Variants in KCNN3 observed in about 807,000 individuals in gnomAD.
KCNN3 encodes small conductance calcium-activated potassium channel protein 3.
In KCNN3, 16 loss-of-function variants were observed where a neutral mutation model predicts 62.9. That is an observed-to-expected ratio of 0.25 (90% CI 0.17 to 0.39). The LOEUF (loss-of-function observed/expected upper bound fraction) is 0.39, where lower values mean the gene tolerates loss of function less well. KCNN3 is among the 10% of genes least tolerant of loss of function. The probability of loss-of-function intolerance (pLI) is 1.00; values close to 1 mark genes in which losing one functional copy is unlikely to be tolerated. For missense variants in KCNN3, 599 were observed against 949.4 expected (o/e 0.63, Z 4.85); for synonymous variants, 370 against 389.2 (o/e 0.95, Z 0.58).
At chr1:154,738,766 A>G (rs775289733) in intron 3 of KCNN3, among the ~76,000 whole-genome samples, 2 of 152,284 alleles carry the variant, frequency 1.3e-5, no homozygotes, top group Non-Finnish European at 2.9e-5. Context: ...TGACGAATAC[A>G]TAGAAAACTA....
At position 154,839,938 on chromosome 1, in the gene KCNN3, C is replaced by A. The variant is rs190470828; in HGVS notation, c.934-17754G>T. Among the ~76,000 whole-genome samples the A allele has an allele frequency of 3.9e-5, 6 of 152,296 alleles. No individual in the cohort carries two copies. The East Asian group carries it at 1.2e-3, about 29-fold the overall frequency. ...GGGGCAGGGTGGGCAGAGAGGCCTG[C>A]AGAGCAGGGGCTAGGTCACAGAGCT... On this transcript the variant is annotated intron_variant, in intron 1 of 7. Coordinates refer to ENST00000271915, the MANE Select transcript of KCNN3 (RefSeq NM_002249.6).
intron 3 of KCNN3, among the ~76,000 whole-genome samples, chr1:154,742,551 TA>T (rs900299969): frequency 2.0e-5 from 3 of 152,008 alleles, no homozygotes; most frequent in South Asian, 2.1e-4. Context: ...ATAGGTGCAC[TA>T]AAAAAAAGTG....
intron 3 of KCNN3, among the ~76,000 whole-genome samples, chr1:154,770,671 G>T (rs1648513540): frequency 6.6e-6 from 1 of 152,308 alleles, no homozygotes; most frequent in African/African-American, 2.4e-5. Context: ...GCCCAGAGAG[G>T]TTAAGTAACT....
chr1:154,736,354 T>A (rs2101796813), intron 3 of KCNN3, among the ~76,000 whole-genome samples: 1 of 152,246 alleles, frequency 6.6e-6, no homozygotes, highest in Middle Eastern at 3.4e-3. Flanking sequence ...ACACGTGCAG[T>A]GGAGTGGTGA....
At chr1:154,796,745 C>T (rs1479407821) in intron 2 of KCNN3, among the ~76,000 whole-genome samples, 9 of 152,214 alleles carry the variant, frequency 5.9e-5, no homozygotes, top group South Asian at 4.1e-4. Context: ...GCACAGCGAA[C>T]GCTGGCCAAG....
chr1:154,707,875 C>T lies in KCNN3; in HGVS notation c.*101G>A, dbSNP rs1699994526. On this transcript the variant is annotated 3_prime_UTR_variant, in exon 8 of 8. Coordinates refer to ENST00000271915, the MANE Select transcript of KCNN3 (RefSeq NM_002249.6). Reference sequence around the variant, plus strand: ...TAATTAGCTCGGTCTCTCTTCTTTCCGTTCCCTGGTCTGAATGTTTCTTGA... The same window carrying T: ...TAATTAGCTCGGTCTCTCTTCTTTCTGTTCCCTGGTCTGAATGTTTCTTGA... 7 of 1,331,668 alleles carry T rather than the reference C, an allele frequency of 5.3e-6. No homozygotes were observed. The highest frequency in any genetic ancestry group is 1.5e-5 in the African/African-American group (1 of 68,028). 82.5% of individuals were successfully genotyped at this position (1,331,668 alleles called of 1,614,324 possible).
In KCNN3 at chr1:154,706,094, T is replaced by C. The variant is rs1699960961; in HGVS notation, c.*1882A>G. 1 of 152,204 alleles carries C rather than the reference T, an allele frequency of 6.6e-6. No individual in the cohort carries two copies. The highest frequency in any genetic ancestry group is 2.4e-5 in the African/African-American group (1 of 41,438). The allele number at this position is 152,204 out of a possible 1,614,324, so 9.4% of individuals were successfully genotyped here. A position where few individuals can be genotyped will look rare whatever the true frequency, so the allele number is the denominator to read the frequency against. ...AACTAATGAAAGTGTTCAAAGGAATTATCAAGGCAGGCCATTAAGACTATA... is the reference window on the plus strand; with the variant it reads ...AACTAATGAAAGTGTTCAAAGGAATCATCAAGGCAGGCCATTAAGACTATA... On this transcript the variant is annotated 3_prime_UTR_variant, in exon 8 of 8. Transcript: ENST00000271915.
At chr1:154,737,857 G>A (rs1396716080) in intron 3 of KCNN3, among the ~76,000 whole-genome samples, 1 of 152,194 alleles carries the variant, frequency 6.6e-6, no homozygotes, top group East Asian at 1.9e-4. Flanking sequence ...AGGAGGTTGA[G>A]GCTGCAGTGA....
chr1:154,811,795 C>G (rs550786528), intron 2 of KCNN3, among the ~76,000 whole-genome samples: 1 of 152,298 alleles, frequency 6.6e-6, no homozygotes, highest in East Asian at 1.9e-4. Context: ...CTTGATAGCA[C>G]AATGCAACAA....
chr1:154,754,356 A>G (rs1440455915), intron 3 of KCNN3, among the ~76,000 whole-genome samples: 1 of 152,060 alleles, frequency 6.6e-6, no homozygotes, highest in African/African-American at 2.4e-5. Context: ...GAGGGCTGGA[A>G]ATGGGGCTGG....
Position 154,697,753 on chromosome 1 carries a change from CAAATCCAATGG to C in KCNN3, c.*10212_*10222del, listed in dbSNP as rs1699769378. 1 of 152,212 alleles carries C rather than the reference CAAATCCAATGG, an allele frequency of 6.6e-6. No individual in the cohort carries two copies. Among genetic ancestry groups the C allele is most frequent in the African/African-American group, 2.4e-5 (1 of 41,448 alleles). The allele number at this position is 152,212 out of a possible 1,614,324, so 9.4% of individuals were successfully genotyped here. On this transcript the variant is annotated 3_prime_UTR_variant, in exon 8 of 8. Coordinates refer to ENST00000271915, the MANE Select transcript of KCNN3 (RefSeq NM_002249.6). ...TGGTCAATACACATCCTGGATCTTA[CAAATCCAATGG>C]TGGCCAGCAGTAGAACTGAAGCCTG... is the stretch of plus-strand genomic sequence containing the variant.
At chr1:154,819,147 C>G (rs1412302986) in intron 2 of KCNN3, among the ~76,000 whole-genome samples, 1 of 152,196 alleles carries the variant, frequency 6.6e-6, no homozygotes, top group Non-Finnish European at 1.5e-5. Flanking sequence ...TAAGCACTCC[C>G]CTCTGCATAA....
intron 2 of KCNN3, among the ~76,000 whole-genome samples, chr1:154,778,683 C>T (rs1033271162): frequency 8.8e-5 from 13 of 148,004 alleles, no homozygotes; most frequent in Non-Finnish European, 1.9e-4. Context: ...GCAATGGCAC[C>T]ATCTGCCTCC....
chr1:154,842,637 CCCG>C (rs758621209), intron 1 of KCNN3, among the ~76,000 whole-genome samples: 2,747 of 20,534 alleles, frequency 0.13, 137 homozygotes, highest in East Asian at 0.41. Flanking sequence ...GGACCCCCCC[CCCG>C]CCACCACCTC....
rs887577299 is a variant in KCNN3 at position 154,705,926 on chromosome 1, T to C, written c.*2050A>G. 1 of 152,178 alleles carries C rather than the reference T, an allele frequency of 6.6e-6. No individual in the cohort carries two copies. The highest frequency in any genetic ancestry group is 2.4e-5 in the African/African-American group (1 of 41,438). 9.4% of individuals were successfully genotyped at this position (152,178 alleles called of 1,614,324 possible). ...TCTGTTTACACATCTGCTTATATGT[T>C]CAGCTGAACTGTCACTGAAAACAGG... is the stretch of plus-strand genomic sequence containing the variant. On this transcript the variant is annotated 3_prime_UTR_variant, in exon 8 of 8. Coordinates refer to ENST00000271915, the MANE Select transcript of KCNN3 (RefSeq NM_002249.6).
intron 4 of KCNN3, among the ~76,000 whole-genome samples, chr1:154,729,934 C>A (rs1557946048): frequency 6.6e-6 from 1 of 152,204 alleles, no homozygotes; most frequent in Non-Finnish European, 1.5e-5. Flanking sequence ...GAAGCTTTTG[C>A]CTGTTTGTCC....
chr1:154,795,643 A>G (rs1226485920), intron 2 of KCNN3, among the ~76,000 whole-genome samples: 4 of 152,220 alleles, frequency 2.6e-5, no homozygotes, highest in Non-Finnish European at 5.9e-5. Flanking sequence ...TATATTGCAT[A>G]TAAGAGGTGC....
intron 2 of KCNN3, among the ~76,000 whole-genome samples, chr1:154,786,752 A>G (rs1224018874): frequency 1.3e-5 from 2 of 152,156 alleles, no homozygotes; most frequent in Admixed American, 6.5e-5. Flanking sequence ...GAACCTATTG[A>G]TTTTTTTCCT....
chr1:154,739,948 A>G (rs1391143301), intron 3 of KCNN3, among the ~76,000 whole-genome samples: 1 of 152,262 alleles, frequency 6.6e-6, no homozygotes, highest in East Asian at 1.9e-4. Context: ...CTTGAGGCAG[A>G]GGTACCCATT....
Sources: gnomAD v4.1 joint callset for allele counts (sites outside exome capture counted in the v4.1 genomes callset) on GRCh38, gnomAD v4.1.1 for gene constraint, MANE v1.5 for transcripts, NCBI Gene and HGNC (gene_info 2026-07-23, HGNC 2026-07-21) for gene names.